KSR2: variants seen among roughly 807,000 people sequenced by gnomAD.
KSR2 encodes kinase suppressor of ras 2.
Under a neutral mutation model 107.8 loss-of-function variants are expected in KSR2, and 25 were observed. That is an observed-to-expected ratio of 0.23 (90% CI 0.17 to 0.32). The LOEUF (loss-of-function observed/expected upper bound fraction) is 0.32, where lower values mean the gene tolerates loss of function less well. KSR2 is among the 10% of genes least tolerant of loss of function. The pLI is 1.00. For synonymous variants in KSR2, 480 were observed against 507.0 expected, an observed-to-expected ratio of 0.95 and a Z score of 0.71; for missense variants, 887 against 1,268.9, an observed-to-expected ratio of 0.70 and a Z score of 4.57.
At chr12:117,546,776 T>C (rs1876899730) in intron 9 of KSR2, among the ~76,000 whole-genome samples, 1 of 152,222 alleles carries the variant, frequency 6.6e-6, no homozygotes, top group African/African-American at 2.4e-5. Flanking sequence ...ATTTTTTATC[T>C]GGTTATTGTA....
intron 1 of KSR2, among the ~76,000 whole-genome samples, chr12:117,941,107 G>T (rs192869575): frequency 4.6e-4 from 70 of 151,924 alleles, no homozygotes; most frequent in South Asian, 1.7e-3. Context: ...ATAATAATAA[G>T]ATTTTTATTT....
chr12:117,728,197 A>C (rs1166617026), intron 4 of KSR2, among the ~76,000 whole-genome samples: 1 of 152,210 alleles, frequency 6.6e-6, no homozygotes, highest in African/African-American at 2.4e-5. Flanking sequence ...TATTGTATAT[A>C]ATTTATACCT....
At chr12:117,618,880 C>T (rs893184582) in intron 5 of KSR2, among the ~76,000 whole-genome samples, 1 of 152,114 alleles carries the variant, frequency 6.6e-6, no homozygotes, top group Non-Finnish European at 1.5e-5. Context: ...CGGACTAATA[C>T]GTGGCCACAC....
intron 14 of KSR2, among the ~76,000 whole-genome samples, chr12:117,502,136 A>T (rs1327416802): frequency 1.3e-5 from 2 of 152,246 alleles, no homozygotes; most frequent in African/African-American, 4.8e-5. Context: ...CTTGTTTCTG[A>T]GTGCAGGTGT....
chr12:117,793,595 A>T (rs980685901), intron 3 of KSR2, among the ~76,000 whole-genome samples: 24 of 115,142 alleles, frequency 2.1e-4, no homozygotes, highest in Admixed American at 6.2e-4. Context: ...ATATGCACAC[A>T]TACACCAACA....
At chr12:117,708,071 C>G (rs959481471) in intron 4 of KSR2, among the ~76,000 whole-genome samples, 22 of 152,188 alleles carry the variant, frequency 1.4e-4, no homozygotes, top group Admixed American at 5.9e-4. Flanking sequence ...CACTGGATAT[C>G]TATACAAGGA....
In KSR2 at chr12:117,919,108, G is replaced by A. The variant is rs577720413; in HGVS notation, c.180+48968C>T. 1.2e-4 allele frequency among the ~76,000 whole-genome samples: 19 copies of A among 152,204 alleles called. No homozygotes were observed. The East Asian group carries it at 2.9e-3, about 23-fold the overall frequency. ...AGCCATGATCATGCCACTGCACTCC[G>A]GCCTCAGCCACACAGCAAAACCTCA... is the stretch of plus-strand genomic sequence containing the variant. On this transcript the variant is annotated intron_variant, in intron 1 of 19. Coordinates refer to ENST00000339824, the MANE Select transcript of KSR2 (RefSeq NM_173598.6).
At chr12:117,951,212 C>A (rs1183797965) in intron 1 of KSR2, among the ~76,000 whole-genome samples, 1 of 152,088 alleles carries the variant, frequency 6.6e-6, no homozygotes, top group Non-Finnish European at 1.5e-5. Flanking sequence ...CCGGCGGCAA[C>A]CAGTGGTTCT....
At chr12:117,744,690 T>C (rs756794852) in intron 4 of KSR2, among the ~76,000 whole-genome samples, 20 of 152,300 alleles carry the variant, frequency 1.3e-4, no homozygotes, top group Middle Eastern at 3.4e-3. Flanking sequence ...ATCTGTAAGT[T>C]TTTCTCTACT....
intron 4 of KSR2, among the ~76,000 whole-genome samples, chr12:117,721,384 T>C (rs138246640): frequency 6.6e-6 from 1 of 152,366 alleles, no homozygotes; most frequent in East Asian, 1.9e-4. Context: ...AGTTGTAGAA[T>C]AGTATAGAAG....
At chr12:117,833,965 C>A (rs1245305807) in intron 3 of KSR2, among the ~76,000 whole-genome samples, 2 of 147,486 alleles carry the variant, frequency 1.4e-5, no homozygotes, top group Admixed American at 6.8e-5. Flanking sequence ...CCTGTCTGTA[C>A]AAAAAAAAAA....
At chr12:117,659,218 C>T (rs997318470) in intron 5 of KSR2, among the ~76,000 whole-genome samples, 4 of 152,152 alleles carry the variant, frequency 2.6e-5, no homozygotes, top group Admixed American at 1.3e-4. Context: ...TGCTTTCTAA[C>T]GCCAACCACT....
At chr12:117,910,958 G>A (rs950779246) in intron 1 of KSR2, among the ~76,000 whole-genome samples, 2 of 152,100 alleles carry the variant, frequency 1.3e-5, no homozygotes, top group Non-Finnish European at 2.9e-5. Flanking sequence ...GAGCAAGGTC[G>A]TAGGTCATAG....
intron 19 of KSR2, among the ~76,000 whole-genome samples, chr12:117,467,489 A>AC (rs1479915626): frequency 6.6e-6 from 1 of 152,256 alleles, no homozygotes; most frequent in African/African-American, 2.4e-5. Context: ...ACAGAATCAT[A>AC]CAATTTCACA....
intron 4 of KSR2, among the ~76,000 whole-genome samples, chr12:117,725,966 A>G (rs1257631774): frequency 1.3e-5 from 2 of 152,260 alleles, no homozygotes; most frequent in East Asian, 1.9e-4. Context: ...CAGGAGTTCA[A>G]AACTAGCCTG....
intron 1 of KSR2, 71 bp from the exon 2 acceptor site, chr12:117,860,502 C>T: frequency 7.0e-7 from 1 of 1,430,322 alleles, no homozygotes. Context: ...GGCGAGAACC[C>T]CCTACGAACC....
At chr12:117,546,076 T>G (rs1876849397) in intron 9 of KSR2, among the ~76,000 whole-genome samples, 1 of 152,184 alleles carries the variant, frequency 6.6e-6, no homozygotes, top group South Asian at 2.1e-4. Flanking sequence ...CTTTTTACTG[T>G]TTTCTGATTT....
chr12:117,584,651 T>C (rs927432332), intron 5 of KSR2, among the ~76,000 whole-genome samples: 2 of 152,176 alleles, frequency 1.3e-5, no homozygotes, highest in Non-Finnish European at 2.9e-5. Flanking sequence ...AGGAACCACA[T>C]CTCATCTTTC....
intron 9 of KSR2, among the ~76,000 whole-genome samples, chr12:117,545,168 A>AATAAACTCT (rs1489308331): frequency 7.2e-5 from 11 of 152,160 alleles, no homozygotes; most frequent in Non-Finnish European, 1.2e-4. Context: ...TTATCCCTGG[A>AATAAACTCT]ATAAACTCTA....
Sources: gnomAD v4.1 joint callset for allele counts (sites outside exome capture counted in the v4.1 genomes callset) on GRCh38, gnomAD v4.1.1 for gene constraint, MANE v1.5 for transcripts, NCBI Gene and HGNC (gene_info 2026-07-23, HGNC 2026-07-21) for gene names.